MACROD2: variants seen among roughly 807,000 people sequenced by gnomAD.
The protein encoded by MACROD2 is ADP-ribose glycohydrolase MACROD2.
MACROD2 carries 36 observed loss-of-function variants against 70.4 expected under a neutral mutation model. The observed-to-expected ratio is 0.51, with a 90% confidence interval of 0.39 to 0.68. MACROD2 has a LOEUF of 0.68. Ranked by LOEUF, MACROD2 falls within the 30% of genes least tolerant of loss-of-function variation. The probability of loss-of-function intolerance (pLI) is 0.00; values close to 1 mark genes in which losing one functional copy is unlikely to be tolerated. For synonymous variants in MACROD2, 172 were observed against 178.8 expected (o/e 0.96, Z 0.30); for missense variants, 496 against 538.4 (o/e 0.92, Z 0.78).
intron 8 of MACROD2, among the ~76,000 whole-genome samples, chr20:15,632,923 TC>T (rs1202267326): frequency 6.6e-6 from 1 of 151,394 alleles, no homozygotes; most frequent in East Asian, 1.9e-4. Flanking sequence ...TCTCCCTTCC[TC>T]CCCTTCTTTC....
At chr20:14,151,979 G>A (rs753950801) in intron 3 of MACROD2, among the ~76,000 whole-genome samples, 1 of 151,646 alleles carries the variant, frequency 6.6e-6, no homozygotes, top group Non-Finnish European at 1.5e-5. Flanking sequence ...CTGCCACCAC[G>A]CCCGGCTAAT....
Position 15,763,777 on chromosome 20 carries a change from C to G in MACROD2, c.646-98968C>G, listed in dbSNP as rs114737937. Among the ~76,000 whole-genome samples the G allele has an allele frequency of 4.8e-3, 724 of 152,258 alleles. 9 individuals are homozygous for G. Among genetic ancestry groups the G allele is most frequent in the African/African-American group, 0.016 (673 of 41,564 alleles). On this transcript the variant is annotated intron_variant, in intron 8 of 17. Coordinates refer to ENST00000684519, the MANE Select transcript of MACROD2 (RefSeq NM_001351661.2). ...GAATTTGGGTCAATTGTTACAAATA[C>G]AGACCAATGCATTCAAAGGCTGTGT... is the stretch of plus-strand genomic sequence containing the variant.
chr20:14,275,361 A>G (rs1234521609), intron 3 of MACROD2, among the ~76,000 whole-genome samples: 4 of 152,162 alleles, frequency 2.6e-5, no homozygotes. Flanking sequence ...GACAAACCTG[A>G]GAAAAACAAG....
chr20:14,802,423 G>A (rs2072587883), intron 5 of MACROD2, among the ~76,000 whole-genome samples: 1 of 151,958 alleles, frequency 6.6e-6, no homozygotes, highest in Non-Finnish European at 1.5e-5. Flanking sequence ...TTTCCCTTCT[G>A]CTATATAGTT....
intron 9 of MACROD2, among the ~76,000 whole-genome samples, chr20:15,881,405 G>T (rs528078282): frequency 1.3e-5 from 2 of 152,200 alleles, no homozygotes; most frequent in African/African-American, 4.8e-5. Context: ...GAAATCACAG[G>T]AGTGTGGAAA....
chr20:15,753,346 A>G (rs1220370710), intron 8 of MACROD2, among the ~76,000 whole-genome samples: 2 of 152,072 alleles, frequency 1.3e-5, no homozygotes, highest in Non-Finnish European at 2.9e-5. Flanking sequence ...TAGCTCTCAC[A>G]TGTAAGTGAG....
At chr20:14,393,242 G>A (rs917159769) in intron 3 of MACROD2, among the ~76,000 whole-genome samples, 2 of 152,118 alleles carry the variant, frequency 1.3e-5, no homozygotes, top group African/African-American at 4.8e-5. Flanking sequence ...TTCTGAATGA[G>A]CATGTTAACA....
At chr20:14,438,935 A>C (rs979996090) in intron 3 of MACROD2, among the ~76,000 whole-genome samples, 9 of 151,836 alleles carry the variant, frequency 5.9e-5, no homozygotes, top group African/African-American at 2.2e-4. Context: ...TTTATTTTTG[A>C]TTTTGTAGGC....
At chr20:14,798,041 A>G (rs911792423) in intron 5 of MACROD2, among the ~76,000 whole-genome samples, 4 of 152,132 alleles carry the variant, frequency 2.6e-5, no homozygotes, top group African/African-American at 9.7e-5. Context: ...TTGATTTTCT[A>G]TGAACTTACT....
At chr20:14,468,801 C>T (rs992348770) in intron 3 of MACROD2, among the ~76,000 whole-genome samples, 6 of 152,206 alleles carry the variant, frequency 3.9e-5, no homozygotes, top group African/African-American at 9.6e-5. Flanking sequence ...TGAGCTGTCA[C>T]GCCCAGCCTC....
intron 5 of MACROD2, among the ~76,000 whole-genome samples, chr20:14,948,562 G>C (rs955409129): frequency 2.6e-5 from 4 of 152,124 alleles, no homozygotes; most frequent in Non-Finnish European, 2.9e-5. Context: ...GTTTCCAGCC[G>C]TTCTAATGCC....
chr20:15,611,722 T>G (rs1000510723), intron 8 of MACROD2, among the ~76,000 whole-genome samples: 2 of 151,512 alleles, frequency 1.3e-5, no homozygotes, highest in Admixed American at 1.3e-4. Flanking sequence ...CATTTGTTCT[T>G]GTGGAAATAT....
intron 8 of MACROD2, among the ~76,000 whole-genome samples, chr20:15,686,970 T>G (rs2050235297): frequency 6.6e-6 from 1 of 151,046 alleles, no homozygotes; most frequent in Non-Finnish European, 1.5e-5. Context: ...GGAACTTTCT[T>G]TCTTTTATAT....
At chr20:14,710,919 TCTC>T (rs1200097093) in intron 5 of MACROD2, among the ~76,000 whole-genome samples, 1 of 152,138 alleles carries the variant, frequency 6.6e-6, no homozygotes, top group East Asian at 1.9e-4. Flanking sequence ...CATGGACTCT[TCTC>T]CTGAGAGATC....
At chr20:15,494,790 C>A (rs1056684831) in intron 7 of MACROD2, among the ~76,000 whole-genome samples, 1 of 148,188 alleles carries the variant, frequency 6.7e-6, no homozygotes, top group African/African-American at 2.5e-5. Flanking sequence ...CGCGTGTGTG[C>A]AGTATATAAA....
intron 5 of MACROD2, among the ~76,000 whole-genome samples, chr20:14,961,058 A>G (rs918231311): frequency 6.6e-6 from 1 of 152,194 alleles, no homozygotes; most frequent in Non-Finnish European, 1.5e-5. Context: ...CAGTGAACAC[A>G]GGGTAGACAT....
rs78454298 is a variant in MACROD2 at position 15,252,914 on chromosome 20, G to C, written c.540+22853G>C. 5.0e-3 allele frequency among the ~76,000 whole-genome samples: 760 copies of C among 152,294 alleles called. 11 individuals carry two copies. Among genetic ancestry groups the C allele is most frequent in the African/African-American group, 0.017 (726 of 41,554 alleles). On this transcript the variant is annotated intron_variant, in intron 6 of 17. Transcript: ENST00000684519. ...CTTGCATCATGGCATCACTTTGATG[G>C]GGTCAGCATATTCGCCCCTTGACTC...
chr20:14,079,148 C>T (rs1166187262), intron 2 of MACROD2, among the ~76,000 whole-genome samples: 1 of 152,144 alleles, frequency 6.6e-6, no homozygotes, highest in East Asian at 1.9e-4. Flanking sequence ...TCTGATTCTT[C>T]CTGAAAGCTT....
chr20:14,337,490 C>T (rs2082959738), intron 3 of MACROD2: 3 of 398,322 alleles, frequency 7.5e-6, no homozygotes, highest in Non-Finnish European at 8.8e-6. Flanking sequence ...AGCCCTCCCC[C>T]GTCTCCCAAG....
Sources: allele counts gnomAD v4.1 joint callset (sites outside exome capture counted in the v4.1 genomes callset), GRCh38; gene constraint gnomAD v4.1.1; transcripts MANE v1.5; gene names NCBI Gene and HGNC (gene_info 2026-07-23, HGNC 2026-07-21).